The following PRKAR2B variants were observed in gnomAD, a reference collection of about 807,000 sequenced individuals.
The protein encoded by PRKAR2B is cAMP-dependent protein kinase type II-beta regulatory subunit.
Under a neutral mutation model 49.9 loss-of-function variants are expected in PRKAR2B, and 14 were observed. The ratio of observed to expected loss-of-function variants is 0.28; its 90% CI spans 0.19 to 0.44. The LOEUF (loss-of-function observed/expected upper bound fraction) is 0.44, where lower values mean the gene tolerates loss of function less well. PRKAR2B is among the 20% of genes least tolerant of loss of function. The pLI is 1.00. For missense variants in PRKAR2B, 393 were observed against 537.9 expected (o/e 0.73, Z 2.67); for synonymous variants, 196 against 197.7 (o/e 0.99, Z 0.07).
At chr7:107,070,004 A>G (rs758330928) in intron 1 of PRKAR2B, 116 of 272,738 alleles carry the variant, frequency 4.3e-4, no homozygotes, top group Non-Finnish European at 6.4e-4. Context: ...ATTGCTTTAT[A>G]TGGTTCCCAG....
intron 1 of PRKAR2B, among the ~76,000 whole-genome samples, chr7:107,062,299 C>A (rs1053969409): frequency 3.3e-5 from 5 of 151,884 alleles, no homozygotes; most frequent in African/African-American, 1.2e-4. Flanking sequence ...ATGAATATTA[C>A]CAACAAAGGG....
intron 10 of PRKAR2B, among the ~76,000 whole-genome samples, chr7:107,157,773 T>C (rs183482876): frequency 5.9e-5 from 9 of 152,376 alleles, no homozygotes; most frequent in Admixed American, 5.9e-4. Flanking sequence ...CACAGTCAAA[T>C]GTTCTTTGCT....
chr7:107,056,674 A>G (rs1276475382), intron 1 of PRKAR2B, among the ~76,000 whole-genome samples: 2 of 152,094 alleles, frequency 1.3e-5, no homozygotes, highest in Non-Finnish European at 2.9e-5. Flanking sequence ...GTATCCTGAG[A>G]CTTTGCTGAA....
At chr7:107,117,605 C>T (rs545896186) in intron 2 of PRKAR2B, among the ~76,000 whole-genome samples, 27 of 152,246 alleles carry the variant, frequency 1.8e-4, no homozygotes, top group African/African-American at 3.9e-4. Context: ...AGCCAGGATG[C>T]GAATATGGGT....
Position 107,070,260 on chromosome 7 carries a change from T to C in PRKAR2B, c.308-21T>C, listed in dbSNP as rs368481575. On this transcript the variant is annotated intron_variant, in intron 1 of 10. Coordinates refer to ENST00000265717, the MANE Select transcript of PRKAR2B (RefSeq NM_002736.3). ...AAATTAGACTTTTAATCTAATCATA[T>C]TATTCTGCTTTTTCTTTTAGCTCCA... 7.4e-4 allele frequency: 1,183 copies of C among 1,596,344 alleles called. 2 individuals are homozygous for C. The highest frequency in any genetic ancestry group is 7.9e-4 in the Non-Finnish European group (925 of 1,167,314).
At chr7:107,114,454 T>G (rs1037883476) in intron 2 of PRKAR2B, among the ~76,000 whole-genome samples, 5 of 151,448 alleles carry the variant, frequency 3.3e-5, no homozygotes, top group Non-Finnish European at 5.9e-5. Context: ...CTCCGCTTCC[T>G]GGGTTCAAGT....
Position 107,082,498 on chromosome 7 carries a change from TTTA to T in PRKAR2B, c.343+12185_343+12187del, listed in dbSNP as rs527435608. On this transcript the variant is annotated intron_variant, in intron 2 of 10. Coordinates refer to ENST00000265717, the MANE Select transcript of PRKAR2B (RefSeq NM_002736.3). ...AAAAATTTGTAATTCAGAATTATATTTTATTGACTAATAAATAAGCATTCATGT... is the reference window on the plus strand; with the variant it reads ...AAAAATTTGTAATTCAGAATTATATTTTGACTAATAAATAAGCATTCATGT... Among the ~76,000 whole-genome samples the T allele has an allele frequency of 2.1e-3, 326 of 152,354 alleles. 2 individuals are homozygous for T. Among genetic ancestry groups the T allele is most frequent in the African/African-American group, 7.4e-3 (309 of 41,590 alleles).
intron 4 of PRKAR2B, among the ~76,000 whole-genome samples, chr7:107,138,110 T>G (rs1373800515): frequency 6.6e-6 from 1 of 152,216 alleles, no homozygotes; most frequent in Non-Finnish European, 1.5e-5. Flanking sequence ...TTGAGGTGTT[T>G]GGTTTTAATT....
chr7:107,114,271 G>A (rs1241302323), intron 2 of PRKAR2B, among the ~76,000 whole-genome samples: 1 of 148,356 alleles, frequency 6.7e-6, no homozygotes, highest in Admixed American at 6.7e-5. Context: ...CATTTTTGAA[G>A]AAAAAAAAAT....
chr7:107,127,037 G>A (rs79973703), intron 3 of PRKAR2B, among the ~76,000 whole-genome samples: 6 of 152,212 alleles, frequency 3.9e-5, no homozygotes, highest in East Asian at 3.9e-4. Context: ...AAATAGTTTA[G>A]CAATACTATA....
At chr7:107,097,978 G>A (rs1794878993) in intron 2 of PRKAR2B, among the ~76,000 whole-genome samples, 1 of 152,008 alleles carries the variant, frequency 6.6e-6, no homozygotes, top group African/African-American at 2.4e-5. Flanking sequence ...GAATCTGACA[G>A]TTATGTGTCT....
intron 2 of PRKAR2B, among the ~76,000 whole-genome samples, chr7:107,088,692 C>T (rs79589497): frequency 0.085 from 12,962 of 152,118 alleles, 626 homozygotes; most frequent in Middle Eastern, 0.15. Flanking sequence ...CTCCTCTTCT[C>T]GGGTTCAGAT....
At chr7:107,104,798 A>G (rs1029967574) in intron 2 of PRKAR2B, among the ~76,000 whole-genome samples, 1 of 152,186 alleles carries the variant, frequency 6.6e-6, no homozygotes, top group Admixed American at 6.5e-5. Flanking sequence ...ATGTGTGCTA[A>G]AGAAAGTACC....
intron 2 of PRKAR2B, among the ~76,000 whole-genome samples, chr7:107,078,468 G>A (rs757428511): frequency 6.6e-6 from 1 of 152,148 alleles, no homozygotes; most frequent in Non-Finnish European, 1.5e-5. Context: ...GTCCAGGCTT[G>A]TTCCTTGGGT....
intron 1 of PRKAR2B, among the ~76,000 whole-genome samples, chr7:107,061,013 A>G (rs1794017508): frequency 6.6e-6 from 1 of 152,106 alleles, no homozygotes; most frequent in African/African-American, 2.4e-5. Context: ...ACTGATTTTT[A>G]AATGTTAAAT....
intron 4 of PRKAR2B, chr7:107,129,232 T>C (rs1435308305): frequency 1.3e-5 from 2 of 152,246 alleles, no homozygotes; most frequent in African/African-American, 4.8e-5. Flanking sequence ...AAATCTCTTT[T>C]GTTTCTAGTG....
At chr7:107,136,810 A>G (rs1795709436) in intron 4 of PRKAR2B, among the ~76,000 whole-genome samples, 2 of 152,216 alleles carry the variant, frequency 1.3e-5, no homozygotes, top group African/African-American at 4.8e-5. Flanking sequence ...GCTCCTTGGT[A>G]TTTACCCAAA....
rs1441214566 is a variant in PRKAR2B, at chr7:107,044,983, G to A, written c.76G>A (p.Ala26Thr). Reference sequence around the variant, plus strand: ...GGTGGAGGTGCTGAGGCACCAGCCCGCGGACCTGCTGGAGTTCGCGCTGCA... The same window carrying A: ...GGTGGAGGTGCTGAGGCACCAGCCCACGGACCTGCTGGAGTTCGCGCTGCA... ...FTVEVLRHQP[A>T]DLLEFALQHF... Residue 26 changes from alanine (A) to threonine (T), a missense_variant, in exon 1 of 11, where the codon GCG becomes ACG. Physicochemically the swap from Ala to Thr is moderately conservative, Grantham distance 58 (BLOSUM62 0). This residue lies in a region of PRKAR2B where 160 missense variants were observed against 147.6 expected (regional missense o/e 1.08). Transcript: ENST00000265717. 4.4e-6 allele frequency: 7 copies of A among 1,573,470 alleles called. No individual in the cohort carries two copies. Among genetic ancestry groups the A allele is most frequent in the Non-Finnish European group, 6.0e-6 (7 of 1,162,482 alleles).
rs1010416753 is a variant in PRKAR2B at position 107,044,882 on chromosome 7, C to T, written c.-26C>T. ...CCGGGGAGGGGGCGAGGGCGGCGCC[C>T]AGGCGCCTGCCGCCCCGGAGGCAGG... is the stretch of plus-strand genomic sequence containing the variant. On this transcript the variant is annotated 5_prime_UTR_variant, in exon 1 of 11. Transcript: ENST00000265717. 1.9e-6 allele frequency: 3 copies of T among 1,567,278 alleles called. No individual in the cohort carries two copies. Among genetic ancestry groups the T allele is most frequent in the African/African-American group, 2.7e-5 (2 of 73,222 alleles).
Sources: allele counts gnomAD v4.1 joint callset (sites outside exome capture counted in the v4.1 genomes callset), GRCh38; gene constraint gnomAD v4.1.1; regional missense constraint gnomAD v4.1.1; transcripts MANE v1.5; gene names NCBI Gene and HGNC (gene_info 2026-07-23, HGNC 2026-07-21).